TRIOBP: variants seen among roughly 807,000 people sequenced by gnomAD.
The protein encoded by TRIOBP is TRIO and F-actin-binding protein.
A neutral mutation model predicts 238.8 loss-of-function variants in TRIOBP; 169 were observed. The ratio of observed to expected loss-of-function variants is 0.71; its 90% CI spans 0.62 to 0.80. TRIOBP has a LOEUF of 0.80. Ranked by LOEUF, TRIOBP falls within the 30% of genes least tolerant of loss-of-function variation. TRIOBP has a pLI of 0.00. For synonymous variants in TRIOBP, 1,150 were observed against 1,274.4 expected (o/e 0.90, Z 2.08); for missense variants, 2,838 against 3,122.6 (o/e 0.91, Z 2.17).
At chr22:37,743,611 A>T (rs73411503) in intron 11 of TRIOBP, among the ~76,000 whole-genome samples, 6,586 of 152,300 alleles carry the variant, frequency 0.043, 180 homozygotes, top group Middle Eastern at 0.082. Context: ...AGGTAAGGAC[A>T]CTGACATGTA....
Position 37,726,490 on chromosome 22 carries a change from G to GTGCAGA in TRIOBP, c.3934_3935insTGCAGA (p.Gly1312delinsValGlnArg). On this transcript the variant is annotated protein_altering_variant, in exon 7 of 24. Coordinates refer to ENST00000644935, the MANE Select transcript of TRIOBP (RefSeq NM_001039141.3). ...CCGTGCAGAGGTGGAGCGCCTCTTC[G>GTGCAGA]GGCAAGAGCGCAGGTGAGCCCGGGG... 1 of 1,522,346 alleles carries GTGCAGA rather than the reference G, an allele frequency of 6.6e-7. No homozygotes were observed. The highest frequency in any genetic ancestry group is 8.8e-7 in the Non-Finnish European group (1 of 1,140,630). 94.3% of individuals were successfully genotyped at this position (1,522,346 alleles called of 1,614,324 possible).
At chr22:37,749,584 G>A (rs909516120) in intron 11 of TRIOBP, among the ~76,000 whole-genome samples, 11 of 152,084 alleles carry the variant, frequency 7.2e-5, no homozygotes, top group African/African-American at 2.7e-4. Context: ...TGTATGAAGG[G>A]GCATCGTGGG....
chr22:37,716,018 G>A (rs1008410255), intron 6 of TRIOBP, 84 bp downstream of exon 6: 54 of 1,501,356 alleles, frequency 3.6e-5, no homozygotes, highest in Non-Finnish European at 4.9e-5. Context: ...TGGGACTCTG[G>A]GCACGGCTTA....
At chr22:37,739,463 G>A (rs1272367302) in intron 10 of TRIOBP, among the ~76,000 whole-genome samples, 3 of 152,168 alleles carry the variant, frequency 2.0e-5, no homozygotes, top group African/African-American at 7.2e-5. Context: ...CCTGCCGTGA[G>A]TCAAAGCTGG....
rs1289082507 is a variant in TRIOBP, at chr22:37,698,199, CAAAAAAAAAAAA to C, written c.-61+511_-61+522del. Among the ~76,000 whole-genome samples the C allele has an allele frequency of 9.4e-5, 6 of 63,716 alleles. No homozygotes were observed. The East Asian group carries it at 3.3e-3, about 35-fold the overall frequency. 41.8% of individuals were successfully genotyped at this position (63,716 alleles called of 152,430 possible). On this transcript the variant is annotated intron_variant, in intron 2 of 23. Transcript: ENST00000644935. ...TGGGTGATAGACCGAGATTCTGTCT[CAAAAAAAAAAAA>C]AAAAAAAGAAAGAAAGACACCAGGG...
chr22:37,725,046 A>G lies in TRIOBP; in HGVS notation c.2490A>G (p.Gln830=), dbSNP rs770787022. 6.2e-7 allele frequency: 1 copy of G among 1,614,044 alleles called. No individual in the cohort carries two copies. Among genetic ancestry groups the G allele is most frequent in the African/African-American group, 1.3e-5 (1 of 74,920 alleles). The change falls in exon 7 of 24, where the codon CAA becomes CAG. Residue 830 remains glutamine, a synonymous_variant. Transcript: ENST00000644935. ...QQNIPRSSST[Q]QDNPKTSCTK... ...ACATCCCCAGATCATCTTCTACCCA[A>G]CAAGACAACCCTAAAACCTCTTGTA...
intron 21 of TRIOBP, among the ~76,000 whole-genome samples, chr22:37,770,613 G>A (rs1188210389): frequency 2.0e-5 from 3 of 152,016 alleles, no homozygotes; most frequent in South Asian, 4.1e-4. Flanking sequence ...CCAACCTCAG[G>A]TGATCCGCCC....
chr22:37,758,807 C>T (rs1926088095), intron 16 of TRIOBP, among the ~76,000 whole-genome samples: 1 of 152,186 alleles, frequency 6.6e-6, no homozygotes, highest in South Asian at 2.1e-4. Flanking sequence ...TGGACTTCAG[C>T]AGTTTTACTG....
At chr22:37,754,777 C>T in intron 12 of TRIOBP, 100 bp from the exon 13 acceptor site, 1 of 1,254,064 alleles carries the variant, frequency 8.0e-7, no homozygotes, top group South Asian at 1.2e-5. Flanking sequence ...GCATTTTCCG[C>T]CTCCCCACCC....
intron 3 of TRIOBP, among the ~76,000 whole-genome samples, chr22:37,706,769 TA>T (rs34258002): frequency 0.13 from 17,769 of 140,824 alleles, 2,096 homozygotes; most frequent in African/African-American, 0.32. Flanking sequence ...AAGACTATCT[TA>T]AAAAAAAAAA....
Position 37,722,524 on chromosome 22 carries a change from C to T in TRIOBP, c.629-661C>T, listed in dbSNP as rs535910349. On this transcript the variant is annotated intron_variant, in intron 6 of 23. Transcript: ENST00000644935. Reference sequence around the variant, plus strand: ...AGCGGATCACCTGAGGTCAGGAGTTCGAGACCAGCCTGGCCAACATGGTGA... The same window carrying T: ...AGCGGATCACCTGAGGTCAGGAGTTTGAGACCAGCCTGGCCAACATGGTGA... Among the ~76,000 whole-genome samples the T allele has an allele frequency of 2.3e-4, 35 of 150,250 alleles. 1 individual carries two copies. Among genetic ancestry groups the T allele is most frequent in the East Asian group, 1.6e-3 (8 of 5,090 alleles).
chr22:37,721,836 A>C (rs1386087638), intron 6 of TRIOBP, among the ~76,000 whole-genome samples: 2 of 152,212 alleles, frequency 1.3e-5, no homozygotes, highest in Admixed American at 1.3e-4. Context: ...CTAAAGCAGT[A>C]GCCAAGGGAC....
rs750772094 is a variant in TRIOBP, at chr22:37,757,628, CAAG to C, written c.5704_5706del (p.Lys1902del). On this transcript the variant is annotated inframe_deletion, in exon 16 of 24. Coordinates refer to ENST00000644935, the MANE Select transcript of TRIOBP (RefSeq NM_001039141.3). ...GGTGCCCTAGGCTCTCGGACTCTAA[CAAG>C]GAGAACGCGCTGCACAGCTACAGCA... 1.4e-5 allele frequency: 22 copies of C among 1,587,610 alleles called. No homozygotes were observed. In the South Asian group the frequency reaches 2.5e-4, roughly 18 times the overall value.
chr22:37,769,304 G>A lies in TRIOBP; in HGVS notation c.6778G>A (p.Gly2260Ser), dbSNP rs765357483. ...GTCAGAGGAGATAGACCAGCTGCGCGGCTTCATTGCCTCGCAGGGCATGGG... is the reference window on the plus strand; with the variant it reads ...GTCAGAGGAGATAGACCAGCTGCGCAGCTTCATTGCCTCGCAGGGCATGGG... ...RLSEEIDQLR[G>S]FIASQGMGNG... The change falls in exon 21 of 24, where the codon GGC (glycine) becomes AGC (serine). Residue 2260 changes from glycine to serine, a missense_variant. Physicochemically the swap from Gly to Ser is moderately conservative, Grantham distance 56. This residue lies in a region of TRIOBP where 2,096 missense variants were observed against 2,137.4 expected (regional missense o/e 0.98). Transcript: ENST00000644935. 2.7e-5 allele frequency: 44 copies of A among 1,611,932 alleles called. No individual in the cohort carries two copies. The highest frequency in any genetic ancestry group is 3.6e-5 in the Non-Finnish European group (42 of 1,179,554).
Position 37,772,727 on chromosome 22 carries a change from GAGA to G in TRIOBP, c.7066_7068del (p.Lys2356del), listed in dbSNP as rs1283797116. 11 of 1,613,864 alleles carry G rather than the reference GAGA, an allele frequency of 6.8e-6. No homozygotes were observed. The highest frequency in any genetic ancestry group is 6.7e-5 in the African/African-American group (5 of 74,934). ...GCGTCTTGCCATGGCCGCCCTCCAG[GAGA>G]AGGAGTCGATGCGCAACAGCCTGGC... On this transcript the variant is annotated inframe_deletion, in exon 23 of 24. Transcript: ENST00000644935.
intron 18 of TRIOBP, 146 bp from the exon 19 acceptor site, chr22:37,767,928 C>T (rs993634925): frequency 4.1e-6 from 3 of 730,758 alleles, no homozygotes; most frequent in African/African-American, 1.7e-5. Flanking sequence ...GCATAGCACT[C>T]CTTGGTCCAA....
Position 37,768,139 on chromosome 22 carries a change from C to A in TRIOBP, c.6538C>A (p.Leu2180Ile). 1 of 1,613,646 alleles carries A rather than the reference C, an allele frequency of 6.2e-7. No homozygotes were observed. Among genetic ancestry groups the A allele is most frequent in the South Asian group, 1.1e-5 (1 of 90,930 alleles). The change falls in exon 19 of 24, where the codon CTC (leucine) becomes ATC (isoleucine). Residue 2180 changes from leucine to isoleucine, a missense_variant. Leu to Ile is a conservative substitution (Grantham distance 5, BLOSUM62 2). Transcript: ENST00000644935. ...CCGAGAGCTGAGCAAAACACGGAGT[C>A]TCCAGCAGGGCCCGGATGGCCTCCG... ...LSRELSKTRSLQQGPDGLRKQ... is the reference protein window; with the variant it reads ...LSRELSKTRSIQQGPDGLRKQ...
chr22:37,717,124 G>A (rs1923562312), intron 6 of TRIOBP, among the ~76,000 whole-genome samples: 1 of 152,188 alleles, frequency 6.6e-6, no homozygotes, highest in South Asian at 2.1e-4. Flanking sequence ...TGGGTTCGCG[G>A]TCTCGCTGGC....
At chr22:37,771,947 G>C in intron 22 of TRIOBP, 1 of 679,950 alleles carries the variant, frequency 1.5e-6, no homozygotes, top group Non-Finnish European at 2.7e-6. Flanking sequence ...GGCTGTACTT[G>C]GCTTCTGTTT....
Sources: gnomAD v4.1 joint callset for allele counts (sites outside exome capture counted in the v4.1 genomes callset) on GRCh38, gnomAD v4.1.1 for gene constraint, gnomAD v4.1.1 regional missense constraint, MANE v1.5 for transcripts, NCBI Gene and HGNC (gene_info 2026-07-23, HGNC 2026-07-21) for gene names.